PLCXD2: variants seen among roughly 807,000 people sequenced by gnomAD.
PLCXD2 encodes the protein phosphatidylinositol specific phospholipase C X domain containing 2.
In PLCXD2, 21 loss-of-function variants were observed where a neutral mutation model predicts 28.6. The observed-to-expected ratio is 0.73, with a 90% confidence interval of 0.52 to 1.06. The LOEUF (loss-of-function observed/expected upper bound fraction) is 1.06. PLCXD2 is among the 50% of genes least tolerant of loss of function. The probability of loss-of-function intolerance (pLI) is 0.00; values close to 1 mark genes in which losing one functional copy is unlikely to be tolerated. For synonymous variants in PLCXD2, 140 were observed against 150.1 expected, an observed-to-expected ratio of 0.93 and a Z score of 0.49; for missense variants, 369 against 376.7, an observed-to-expected ratio of 0.98 and a Z score of 0.17.
rs905266290 is a variant in PLCXD2 at position 111,720,711 on chromosome 3, T to C, written c.866+6583T>C. On this transcript the variant is annotated intron_variant, in intron 3 of 4. Transcript: ENST00000477665. Reference sequence around the variant, plus strand: ...TATCCACTCTCTTCCTCCAACACTTTCCTCTGTATAGGAATCTTCCTGCCA... The same window carrying C: ...TATCCACTCTCTTCCTCCAACACTTCCCTCTGTATAGGAATCTTCCTGCCA... 9 of 416,810 alleles carry C rather than the reference T, an allele frequency of 2.2e-5. No homozygotes were observed. In the Admixed American group the frequency reaches 4.0e-4, roughly 18 times the overall value. 25.8% of individuals were successfully genotyped at this position (416,810 alleles called of 1,614,324 possible). A position where few individuals can be genotyped will look rare whatever the true frequency, so the allele number is the denominator to read the frequency against.
At chr3:111,682,534 A>G (rs916258046) in intron 1 of PLCXD2, among the ~76,000 whole-genome samples, 25 of 152,344 alleles carry the variant, frequency 1.6e-4, no homozygotes, top group African/African-American at 5.8e-4. Context: ...AAAGGAAAAA[A>G]TAGTACACAT....
chr3:111,692,975 T>C (rs1940909446), intron 1 of PLCXD2, among the ~76,000 whole-genome samples: 1 of 152,116 alleles, frequency 6.6e-6, no homozygotes, highest in Admixed American at 6.5e-5. Flanking sequence ...CACCAGCTTA[T>C]AGGAGAATTA....
Position 111,714,033 on chromosome 3 carries a change from G to A in PLCXD2, c.771G>A (p.Arg257=), listed in dbSNP as rs1171065732. Residue 257 remains arginine, a synonymous_variant, in exon 3 of 5, where the codon CGG becomes CGA. Coordinates refer to ENST00000477665, the MANE Select transcript of PLCXD2 (RefSeq NM_001185106.1). ...CCACTCTGAGTGAGCGGGCCTCACG[G>A]GGCTCCTTCCATGTCTCCCAAGCGA... 3 of 1,614,130 alleles carry A rather than the reference G, an allele frequency of 1.9e-6. No homozygotes were observed. The highest frequency in any genetic ancestry group is 2.2e-5 in the East Asian group (1 of 44,872).
At chr3:111,725,738 AGTT>A (rs1185697041) in intron 3 of PLCXD2, 1 of 398,494 alleles carries the variant, frequency 2.5e-6, no homozygotes, top group African/African-American at 2.1e-5. Flanking sequence ...TAAGCCAAAT[AGTT>A]TAGATAAATA....
chr3:111,724,712 A>G (rs1297106240), intron 3 of PLCXD2: 1 of 152,224 alleles, frequency 6.6e-6, no homozygotes, highest in Non-Finnish European at 1.5e-5. Flanking sequence ...GATTTAGTTC[A>G]TGCCACAGTT....
At chr3:111,717,990 C>CTT (rs62983461) in intron 3 of PLCXD2, among the ~76,000 whole-genome samples, 3 of 148,660 alleles carry the variant, frequency 2.0e-5, no homozygotes, top group South Asian at 2.1e-4. Context: ...GATTCCTTAC[C>CTT]TTTTTTTTTT....
At chr3:111,717,772 A>C (rs555492123) in intron 3 of PLCXD2, among the ~76,000 whole-genome samples, 201 of 152,290 alleles carry the variant, frequency 1.3e-3, no homozygotes, top group African/African-American at 4.7e-3. Context: ...TTTAAAATGA[A>C]GTCTTGAATC....
chr3:111,684,095 G>C (rs1337935275), intron 1 of PLCXD2, among the ~76,000 whole-genome samples: 1 of 152,086 alleles, frequency 6.6e-6, no homozygotes, highest in Admixed American at 6.5e-5. Context: ...AATTTGGGAG[G>C]CCAAGGCAGG....
chr3:111,696,234 G>A (rs370753912), intron 1 of PLCXD2, among the ~76,000 whole-genome samples: 17 of 152,154 alleles, frequency 1.1e-4, no homozygotes, highest in African/African-American at 3.6e-4. Flanking sequence ...TGCACAGATT[G>A]TCTTCTGACC....
chr3:111,703,990 GT>G (rs138331876), intron 1 of PLCXD2, among the ~76,000 whole-genome samples: 2 of 150,930 alleles, frequency 1.3e-5, no homozygotes, highest in African/African-American at 2.4e-5. Flanking sequence ...TATTTGATGG[GT>G]TTTTTTTTCC....
intron 3 of PLCXD2, chr3:111,723,015 G>A (rs1054401881): frequency 5.3e-5 from 8 of 152,220 alleles, no homozygotes; most frequent in East Asian, 1.9e-4. Context: ...GTGTTCCCTC[G>A]TTTTCTAAAC....
intron 1 of PLCXD2, among the ~76,000 whole-genome samples, chr3:111,676,551 C>A (rs551336351): frequency 1.3e-5 from 2 of 152,086 alleles, no homozygotes; most frequent in African/African-American, 4.8e-5. Flanking sequence ...TCATAGGCCC[C>A]GGTTGCTTTT....
At chr3:111,722,760 G>T (rs1941363807) in intron 3 of PLCXD2, 1 of 152,202 alleles carries the variant, frequency 6.6e-6, no homozygotes, top group East Asian at 1.9e-4. Context: ...TTGCAGAGAG[G>T]GGTGTCCTAG....
At chr3:111,686,889 T>C (rs1013920691) in intron 1 of PLCXD2, among the ~76,000 whole-genome samples, 1 of 152,172 alleles carries the variant, frequency 6.6e-6, no homozygotes, top group Non-Finnish European at 1.5e-5. Context: ...CACATTCCTC[T>C]TCATTGACCC....
Position 111,708,399 on chromosome 3 carries a change from G to A in PLCXD2, c.624+13G>A, listed in dbSNP as rs1209554292. 1 of 1,604,896 alleles carries A rather than the reference G, an allele frequency of 6.2e-7. No homozygotes were observed. The highest frequency in any genetic ancestry group is 1.1e-5 in the South Asian group (1 of 90,430). On this transcript the variant is annotated intron_variant, in intron 2 of 4. Transcript: ENST00000477665. Reference sequence around the variant, plus strand: ...GAAGAACTGCCAGGTAGGAGGGAAGGAGAGATAAGCTTCCAAGAGCAAGAA... The same window carrying A: ...GAAGAACTGCCAGGTAGGAGGGAAGAAGAGATAAGCTTCCAAGAGCAAGAA...
intron 1 of PLCXD2, chr3:111,676,808 A>G (rs1160439126): frequency 6.6e-6 from 1 of 152,180 alleles, no homozygotes; most frequent in African/African-American, 2.4e-5. Context: ...ATGTGTTTGC[A>G]AACAGAATGG....
chr3:111,726,438 GA>G (rs1208793082), intron 3 of PLCXD2: 1 of 152,142 alleles, frequency 6.6e-6, no homozygotes, highest in Non-Finnish European at 1.5e-5. Context: ...TTGTCATAGT[GA>G]AAATAAGTCT....
intron 1 of PLCXD2, among the ~76,000 whole-genome samples, chr3:111,684,189 G>A (rs190702447): frequency 1.3e-5 from 2 of 151,786 alleles, no homozygotes; most frequent in South Asian, 4.2e-4. Context: ...AATTAGCTGG[G>A]CATGGTGGCA....
At chr3:111,682,157 CCTT>C (rs112272592) in intron 1 of PLCXD2, among the ~76,000 whole-genome samples, 4 of 152,250 alleles carry the variant, frequency 2.6e-5, no homozygotes, top group African/African-American at 4.8e-5. Context: ...AGTCCTTCCA[CCTT>C]CTCTCTTGTG....
Sources: gnomAD v4.1 joint callset for allele counts (sites outside exome capture counted in the v4.1 genomes callset) on GRCh38, gnomAD v4.1.1 for gene constraint, MANE v1.5 for transcripts, NCBI Gene and HGNC (gene_info 2026-07-23, HGNC 2026-07-21) for gene names.